Variants in NFIC observed in about 807,000 individuals in gnomAD.
NFIC encodes nuclear factor I C, also known as nuclear factor 1 C-type.
A neutral mutation model predicts 54.4 loss-of-function variants in NFIC; 12 were observed. That is an observed-to-expected ratio of 0.22 (90% CI 0.14 to 0.36). The LOEUF (loss-of-function observed/expected upper bound fraction) is 0.36. Among genes scored for constraint, NFIC ranks in the 10% least tolerant of loss-of-function variants. The probability of loss-of-function intolerance (pLI) is 1.00; values close to 1 mark genes in which losing one functional copy is unlikely to be tolerated. For synonymous variants in NFIC, 322 were observed against 319.2 expected (o/e 1.01, Z -0.09); for missense variants, 575 against 718.2 (o/e 0.80, Z 2.28).
chr19:3,405,799 C>T (rs2081639391), intron 2 of NFIC, among the ~76,000 whole-genome samples: 1 of 152,058 alleles, frequency 6.6e-6, no homozygotes, highest in Non-Finnish European at 1.5e-5. Context: ...ACAGGGGTCT[C>T]ACCATGTTGG....
chr19:3,431,791 A>C (rs1041592169), intron 3 of NFIC, among the ~76,000 whole-genome samples: 8 of 152,308 alleles, frequency 5.3e-5, no homozygotes, highest in African/African-American at 1.9e-4. Flanking sequence ...GGCATGAGCC[A>C]CCACGCCCGG....
intron 3 of NFIC, among the ~76,000 whole-genome samples, 170 bp downstream of exon 3, chr19:3,425,347 C>T (rs545898491): frequency 6.6e-6 from 1 of 152,362 alleles, no homozygotes; most frequent in East Asian, 1.9e-4. Flanking sequence ...TTGGAACCCA[C>T]GACTCTGAGC....
rs1390548458 is a variant in NFIC, at chr19:3,465,419, AAGTG to A, written c.*2653_*2656del. ...AAAAAAAATAAAATAAAAAATAAGA[AAGTG>A]AGAATCTAAAAAAAAAAAAAAAAAA... On this transcript the variant is annotated 3_prime_UTR_variant, in exon 11 of 11. Transcript: ENST00000443272. 2.0e-5 allele frequency: 3 copies of A among 146,416 alleles called. No individual in the cohort carries two copies. Among genetic ancestry groups the A allele is most frequent in the Non-Finnish European group, 4.5e-5 (3 of 67,288 alleles). 9.1% of individuals were successfully genotyped at this position (146,416 alleles called of 1,614,324 possible).
upstream of NFIC, among the ~76,000 whole-genome samples, chr19:3,363,568 G>A (rs554288007): frequency 3.1e-4 from 47 of 151,828 alleles, 1 homozygote; most frequent in African/African-American, 1.1e-3. Flanking sequence ...CACTACAACC[G>A]GCCAAAGGAG....
upstream of NFIC, among the ~76,000 whole-genome samples, chr19:3,363,956 T>C (rs1167835808): frequency 1.3e-5 from 2 of 152,200 alleles, no homozygotes. Flanking sequence ...ACATAACCAG[T>C]TGGGAGCCAC....
At chr19:3,415,134 C>G (rs1293711796) in intron 2 of NFIC, among the ~76,000 whole-genome samples, 1 of 151,588 alleles carries the variant, frequency 6.6e-6, no homozygotes, top group Non-Finnish European at 1.5e-5. Context: ...GCCACCGTGC[C>G]CTGCCAAGTG....
intron 1 of NFIC, chr19:3,359,762 A>G: frequency 7.5e-7 from 1 of 1,333,622 alleles, no homozygotes; most frequent in Non-Finnish European, 9.7e-7. Context: ...GAAAGTTGCA[A>G]GATCTGGGGG....
rs753367287 is a variant in NFIC, at chr19:3,381,768, C to T, written c.87C>T (p.Tyr29=). 5 of 1,613,816 alleles carry T rather than the reference C, an allele frequency of 3.1e-6. No homozygotes were observed. Among genetic ancestry groups the T allele is most frequent in the African/African-American group, 1.3e-5 (1 of 74,948 alleles). ...TGCCTCACGTCCGCGCCTTCGCCTA[C>T]ACCTGGTTCAACCTGCAGGCGCGGA... ...ALLPHVRAFA[Y]TWFNLQARKR... is the part of the protein sequence containing the mutation. The change falls in exon 2 of 11, where the codon TAC becomes TAT. Residue 29 remains tyrosine (Y), a synonymous_variant. Coordinates refer to ENST00000443272, the MANE Select transcript of NFIC (RefSeq NM_001245002.2).
At chr19:3,462,487 A>T (rs1025939997) in intron 10 of NFIC, among the ~76,000 whole-genome samples, 1 of 152,222 alleles carries the variant, frequency 6.6e-6, no homozygotes, top group Non-Finnish European at 1.5e-5. Context: ...CTAGACTTAT[A>T]CTAAAAGAAT....
rs1387318574 is a variant in NFIC, at chr19:3,381,732, C to T, written c.51C>T (p.Ile17=). The change falls in exon 2 of 11, where the codon ATC becomes ATT. Residue 17 remains isoleucine, a synonymous_variant. Transcript: ENST00000443272. ...CLTQDEFHPF[I]EALLPHVRAF... is the part of the protein sequence containing the mutation. Reference sequence around the variant, plus strand: ...TGCAGGATGAGTTCCACCCGTTCATCGAGGCCCTGCTGCCTCACGTCCGCG... The same window carrying T: ...TGCAGGATGAGTTCCACCCGTTCATTGAGGCCCTGCTGCCTCACGTCCGCG... The T allele has an allele frequency of 1.9e-6, 3 of 1,613,610 alleles. No individual in the cohort carries two copies. The highest frequency in any genetic ancestry group is 1.3e-5 in the African/African-American group (1 of 74,942).
chr19:3,455,933 A>G (rs2121925251), intron 9 of NFIC, among the ~76,000 whole-genome samples: 1 of 151,722 alleles, frequency 6.6e-6, no homozygotes, highest in African/African-American at 2.4e-5. Context: ...AGCTCCCCCC[A>G]ACCCCAGCCA....
intron 2 of NFIC, among the ~76,000 whole-genome samples, chr19:3,423,328 C>T (rs1029999069): frequency 1.3e-5 from 2 of 152,206 alleles, no homozygotes; most frequent in African/African-American, 4.8e-5. Context: ...TCTGCTAAGG[C>T]CTGGGCAGTG....
Position 3,360,628 on chromosome 19 carries a change from C to T in NFIC, c.3+943C>T, listed in dbSNP as rs545072744. Among the ~76,000 whole-genome samples the T allele has an allele frequency of 3.9e-5, 6 of 152,338 alleles. No homozygotes were observed. In the South Asian group the frequency reaches 1.2e-3, roughly 32 times the overall value. ...GCGTCGGCTCCGCCGCTTTCTGTGT[C>T]CGCGTGTGTCTGCACATCCACGTGC... On this transcript the variant is annotated intron_variant, in intron 1 of 9. Transcript: ENST00000395111.
At chr19:3,389,732 C>T (rs760202847) in intron 2 of NFIC, among the ~76,000 whole-genome samples, 4 of 152,168 alleles carry the variant, frequency 2.6e-5, no homozygotes, top group Non-Finnish European at 5.9e-5. Context: ...CCTGTAATCC[C>T]AGCACTCTGG....
chr19:3,363,232 T>TGTGTGTGGGTGTGTGTGC, upstream of NFIC, among the ~76,000 whole-genome samples: 1 of 52,988 alleles, frequency 1.9e-5, no homozygotes, highest in South Asian at 5.6e-4. Flanking sequence ...TATGTATGTG[T>TGTGTGTGGGTGTGTGTGC]ATGTGTGTGT....
chr19:3,380,309 CTTTTT>C (rs529220524), intron 1 of NFIC, among the ~76,000 whole-genome samples: 10,085 of 64,762 alleles, frequency 0.16, 362 homozygotes, highest in African/African-American at 0.21. Flanking sequence ...CAGCCTTGTT[CTTTTT>C]TTTTTTTTTT....
intron 2 of NFIC, among the ~76,000 whole-genome samples, chr19:3,415,145 C>CTT (rs1195704131): frequency 6.6e-6 from 1 of 151,830 alleles, no homozygotes; most frequent in Non-Finnish European, 1.5e-5. Context: ...CTGCCAAGTG[C>CTT]TTGGTTCTTT....
chr19:3,398,551 CCTT>C (rs2081501539), intron 2 of NFIC, among the ~76,000 whole-genome samples: 1 of 152,136 alleles, frequency 6.6e-6, no homozygotes, highest in South Asian at 2.1e-4. Context: ...GAAACCATCA[CCTT>C]CTTCTGCCTG....
In NFIC at chr19:3,371,988, CCTCTCTCTCCCT is replaced by C. The variant is rs2081025791; in HGVS notation, c.30+5332_30+5343del. On this transcript the variant is annotated intron_variant, in intron 1 of 10. Coordinates refer to ENST00000443272, the MANE Select transcript of NFIC (RefSeq NM_001245002.2). ...CTTTCCTTCTCTTTCTCTCTCTCTCCCTCTCTCTCCCTCTCTCTCTCTCTCTCTCTCTCTCTC... is the reference window on the plus strand; with the variant it reads ...CTTTCCTTCTCTTTCTCTCTCTCTCCCTCTCTCTCTCTCTCTCTCTCTCTC... 1.1e-3 allele frequency among the ~76,000 whole-genome samples: 31 copies of C among 27,440 alleles called. 1 individual carries two copies. The highest frequency in any genetic ancestry group is 3.8e-3 in the South Asian group (2 of 528). The allele number at this position is 27,440 out of a possible 152,430, so 18.0% of individuals were successfully genotyped here. A position where few individuals can be genotyped will look rare whatever the true frequency, so the allele number is the denominator to read the frequency against.
Sources: gnomAD v4.1 joint callset for allele counts (sites outside exome capture counted in the v4.1 genomes callset) on GRCh38, gnomAD v4.1.1 for gene constraint, MANE v1.5 for transcripts, NCBI Gene and HGNC (gene_info 2026-07-23, HGNC 2026-07-21) for gene names.